Variants in THSD4 observed in about 807,000 individuals in gnomAD.
THSD4 encodes the protein thrombospondin type 1 domain containing 4.
Under a neutral mutation model 119.0 loss-of-function variants are expected in THSD4, and 69 were observed. The ratio of observed to expected loss-of-function variants is 0.58; its 90% CI spans 0.48 to 0.71. The LOEUF is 0.71. Among genes scored for constraint, THSD4 ranks in the 30% least tolerant of loss-of-function variants. THSD4 has a pLI of 0.00. For synonymous variants in THSD4, 524 were observed against 540.4 expected (o/e 0.97, Z 0.42); for missense variants, 1,393 against 1,391.1 (o/e 1.00, Z -0.02).
intron 7 of THSD4, among the ~76,000 whole-genome samples, chr15:71,459,380 GTCTC>G (rs141034841): frequency 0.018 from 2,463 of 137,730 alleles, 40 homozygotes; most frequent in Non-Finnish European, 0.027. Flanking sequence ...CTGTCTCTCT[GTCTC>G]TCTCTCTCTC....
At chr15:71,446,216 T>G (rs564735376) in intron 7 of THSD4, among the ~76,000 whole-genome samples, 9 of 152,324 alleles carry the variant, frequency 5.9e-5, no homozygotes, top group Admixed American at 1.3e-4. Context: ...ACTTTGTTCT[T>G]TGTTCTTCTT....
chr15:71,533,921 T>C (rs2048651819), intron 7 of THSD4, among the ~76,000 whole-genome samples: 1 of 152,154 alleles, frequency 6.6e-6, no homozygotes, highest in Non-Finnish European at 1.5e-5. Flanking sequence ...TTAGGGGTTA[T>C]TGGAAATCCA....
chr15:71,486,718 G>A (rs1425989710), intron 7 of THSD4, among the ~76,000 whole-genome samples: 2 of 150,618 alleles, frequency 1.3e-5, no homozygotes, highest in Non-Finnish European at 2.9e-5. Context: ...CTTATCTGCA[G>A]CTCCCGGGTG....
At chr15:71,395,028 A>G (rs2046429351) in intron 6 of THSD4, among the ~76,000 whole-genome samples, 2 of 152,192 alleles carry the variant, frequency 1.3e-5, no homozygotes, top group Admixed American at 6.5e-5. Context: ...AATAGAAGAA[A>G]CAGAGCCACT....
At chr15:71,338,450 G>A (rs1250811400) in intron 6 of THSD4, among the ~76,000 whole-genome samples, 1 of 152,026 alleles carries the variant, frequency 6.6e-6, no homozygotes, top group African/African-American at 2.4e-5. Context: ...TCCTAGAATT[G>A]GGCCATGAGG....
intron 6 of THSD4, among the ~76,000 whole-genome samples, chr15:71,317,676 T>C (rs976783159): frequency 5.9e-5 from 9 of 152,128 alleles, no homozygotes; most frequent in African/African-American, 2.2e-4. Flanking sequence ...GAAGTTCGTT[T>C]TTTCACATGA....
At chr15:71,284,086 C>T (rs187905958) in intron 6 of THSD4, among the ~76,000 whole-genome samples, 14 of 152,150 alleles carry the variant, frequency 9.2e-5, no homozygotes, top group Admixed American at 7.8e-4. Flanking sequence ...GCTCTAGACT[C>T]GAATGGATGA....
Position 71,215,378 on chromosome 15 carries a change from T to TGGGGA in THSD4, c.443_444insGGGGA (p.Glu149GlyfsTer101). The TGGGGA allele has an allele frequency of 6.5e-7, 1 of 1,531,384 alleles. No homozygotes were observed. The highest frequency in any genetic ancestry group is 8.7e-7 in the Non-Finnish European group (1 of 1,144,852). The allele number at this position is 1,531,384 out of a possible 1,614,324, so 94.9% of individuals were successfully genotyped here. A position where few individuals can be genotyped will look rare whatever the true frequency, so the allele number is the denominator to read the frequency against. On this transcript the variant is annotated frameshift_variant, in exon 4 of 18. Transcript: ENST00000261862. LOFTEE classifies it high-confidence loss of function. The stretch of plus-strand genomic sequence containing the variant: ...AGCCGGCACCCACAGCCCCAGGGCC[T>TGGGGA]CGAAGTCACTGGGGACAGAAGGTAC...
chr15:71,502,974 A>G (rs922404370), intron 7 of THSD4, among the ~76,000 whole-genome samples: 2 of 152,216 alleles, frequency 1.3e-5, no homozygotes, highest in African/African-American at 4.8e-5. Flanking sequence ...CGGTTGCATT[A>G]TATAGTGTAA....
At chr15:71,320,398 G>A (rs1325831986) in intron 6 of THSD4, among the ~76,000 whole-genome samples, 2 of 152,084 alleles carry the variant, frequency 1.3e-5, no homozygotes, top group South Asian at 2.1e-4. Flanking sequence ...CCCTTCTCAC[G>A]AGCAGGTCCA....
intron 3 of THSD4, among the ~76,000 whole-genome samples, chr15:71,191,321 G>T (rs1035126260): frequency 6.6e-6 from 1 of 152,050 alleles, no homozygotes; most frequent in African/African-American, 2.4e-5. Context: ...CCTGTCTCTG[G>T]ACTCCCCTAT....
intron 8 of THSD4, among the ~76,000 whole-genome samples, chr15:71,719,811 G>A (rs1488175827): frequency 1.3e-5 from 2 of 152,016 alleles, no homozygotes; most frequent in African/African-American, 2.4e-5. Context: ...AAGTAGCTGG[G>A]ACTACAGGTG....
chr15:71,199,849 G>A lies in THSD4; in HGVS notation c.100-15186G>A, dbSNP rs912579092. 8.9e-3 allele frequency among the ~76,000 whole-genome samples: 1,330 copies of A among 149,062 alleles called. 38 individuals carry two copies. Among genetic ancestry groups the A allele is most frequent in the African/African-American group, 0.032 (1,274 of 39,772 alleles). The stretch of plus-strand genomic sequence containing the variant: ...TGGGGTGTGTGTGTGTGTGCTGTGT[G>A]TGATGCATGTGTGGGGTGTGTGTGT... On this transcript the variant is annotated intron_variant, in intron 3 of 17. Coordinates refer to ENST00000261862, the MANE Select transcript of THSD4 (RefSeq NM_024817.3).
chr15:71,211,306 A>G (rs545509170), intron 3 of THSD4, among the ~76,000 whole-genome samples: 181 of 152,292 alleles, frequency 1.2e-3, no homozygotes, highest in African/African-American at 4.3e-3. Context: ...AGCAACAGGA[A>G]TTTATTTCTC....
At chr15:71,677,638 G>A (rs1013142089) in intron 8 of THSD4, among the ~76,000 whole-genome samples, 15 of 152,150 alleles carry the variant, frequency 9.9e-5, no homozygotes, top group African/African-American at 1.9e-4. Flanking sequence ...ATGCTGGAAC[G>A]AAAGGAAATC....
intron 6 of THSD4, among the ~76,000 whole-genome samples, chr15:71,377,907 C>CAG (rs1566961522): frequency 1.4e-4 from 12 of 86,416 alleles, no homozygotes; most frequent in African/African-American, 5.0e-4. Context: ...CACACACACA[C>CAG]ACACACAATT....
At chr15:71,579,736 C>A (rs1023621809) in intron 7 of THSD4, among the ~76,000 whole-genome samples, 2 of 152,126 alleles carry the variant, frequency 1.3e-5, no homozygotes, top group Admixed American at 6.6e-5. Flanking sequence ...ATTGGAGACA[C>A]CATGGTTTGG....
chr15:71,771,798 C>G (rs2053827951), intron 17 of THSD4, among the ~76,000 whole-genome samples: 1 of 152,134 alleles, frequency 6.6e-6, no homozygotes, highest in Admixed American at 6.5e-5. Flanking sequence ...AACCTGCACC[C>G]TTGAAATAGG....
intron 2 of THSD4, among the ~76,000 whole-genome samples, chr15:71,149,039 CTTT>C (rs1269365382): frequency 1.4e-5 from 2 of 138,956 alleles, no homozygotes. Flanking sequence ...GCTGCCTTTA[CTTT>C]TTTTTTTTTT....
Sources: allele counts gnomAD v4.1 joint callset (sites outside exome capture counted in the v4.1 genomes callset), GRCh38; gene constraint gnomAD v4.1.1; transcripts MANE v1.5; gene names NCBI Gene and HGNC (gene_info 2026-07-23, HGNC 2026-07-21).